Variants in EYS observed in about 807,000 individuals in gnomAD.
EYS encodes the protein protein eyes shut homolog.
Under a neutral mutation model 282.1 loss-of-function variants are expected in EYS, and 250 were observed. That is an observed-to-expected ratio of 0.89 (90% CI 0.80 to 0.98). The LOEUF (loss-of-function observed/expected upper bound fraction) is 0.98, where lower values mean the gene tolerates loss of function less well. EYS is among the 50% of genes least tolerant of loss of function. The probability of loss-of-function intolerance (pLI) is 0.00; values close to 1 mark genes in which losing one functional copy is unlikely to be tolerated. For synonymous variants in EYS, 1,355 were observed against 1,282.9 expected (o/e 1.06, Z -1.20); for missense variants, 4,016 against 3,709.0 (o/e 1.08, Z -2.15).
chr6:64,541,438 A>G lies in EYS; in HGVS notation c.5644+48785T>C, dbSNP rs192784995. 5.3e-5 allele frequency among the ~76,000 whole-genome samples: 8 copies of G among 152,308 alleles called. No individual in the cohort carries two copies. The East Asian group carries it at 9.7e-4, about 18-fold the overall frequency. ...ACCTTTTTCTCCTACTTATTTGCTT[A>G]GAGAAAAGAGTGGTCATCTACCTCT... On this transcript the variant is annotated intron_variant, in intron 26 of 42. Coordinates refer to ENST00000503581, the MANE Select transcript of EYS (RefSeq NM_001142800.2).
rs981525305 is a variant in EYS, at chr6:63,727,102, T to G, written c.8072-422A>C. Among the ~76,000 whole-genome samples the G allele has an allele frequency of 2.0e-5, 3 of 152,320 alleles. No homozygotes were observed. In the East Asian group the frequency reaches 5.8e-4, roughly 29 times the overall value. On this transcript the variant is annotated intron_variant, in intron 41 of 42. Transcript: ENST00000503581. ...ATTCTTCAGCCTCTATATTTCTGAT[T>G]CAAATACAGAGTATAATTGAGTCAG...
intron 32 of EYS, among the ~76,000 whole-genome samples, chr6:64,072,450 G>A (rs1283213341): frequency 6.6e-6 from 1 of 151,278 alleles, no homozygotes; most frequent in Non-Finnish European, 1.5e-5. Flanking sequence ...CAGCTGATCA[G>A]GCTGCTTTTA....
At chr6:64,930,567 T>G (rs1336065737) in intron 15 of EYS, among the ~76,000 whole-genome samples, 7 of 152,026 alleles carry the variant, frequency 4.6e-5, no homozygotes, top group Non-Finnish European at 1.0e-4. Context: ...TCACAAGTTT[T>G]TAACTTATTA....
chr6:65,578,623 T>G (rs1764761966), intron 2 of EYS, among the ~76,000 whole-genome samples: 2 of 151,858 alleles, frequency 1.3e-5, no homozygotes, highest in Admixed American at 1.3e-4. Flanking sequence ...AAATGATAAG[T>G]GTGTGAGGTA....
At chr6:64,903,975 C>G (rs1296877864) in intron 16 of EYS, among the ~76,000 whole-genome samples, 1 of 152,028 alleles carries the variant, frequency 6.6e-6, no homozygotes, top group East Asian at 1.9e-4. Flanking sequence ...AAATAGAAAA[C>G]AAATAGCTAG....
At chr6:64,762,184 G>A (rs1773180837) in intron 22 of EYS, among the ~76,000 whole-genome samples, 1 of 152,028 alleles carries the variant, frequency 6.6e-6, no homozygotes, top group South Asian at 2.1e-4. Context: ...AAAATTAGTA[G>A]CCAATTAAAA....
chr6:64,902,527 A>G, intron 16 of EYS, 27 bp from the exon 17 acceptor site: 1 of 1,337,058 alleles, frequency 7.5e-7, no homozygotes, highest in Non-Finnish European at 1.0e-6. Flanking sequence ...ATGAGTATGG[A>G]TGAGCAATCC....
chr6:64,396,544 A>G (rs1303261804), intron 28 of EYS, among the ~76,000 whole-genome samples: 1 of 152,062 alleles, frequency 6.6e-6, no homozygotes, highest in Non-Finnish European at 1.5e-5. Flanking sequence ...TTTTGAAACT[A>G]TATTTTAGTA....
chr6:65,468,709 C>G (rs1765098820), intron 5 of EYS, among the ~76,000 whole-genome samples: 1 of 151,862 alleles, frequency 6.6e-6, no homozygotes, highest in Non-Finnish European at 1.5e-5. Context: ...CCTATGATTG[C>G]AAAGCAGTGT....
chr6:64,058,897 C>G (rs1036543503), intron 33 of EYS, among the ~76,000 whole-genome samples: 3 of 149,576 alleles, frequency 2.0e-5, no homozygotes, highest in Non-Finnish European at 4.4e-5. Flanking sequence ...AAATTTACCA[C>G]TAATTATAAA....
At chr6:65,451,240 A>G (rs34653375) in intron 5 of EYS, among the ~76,000 whole-genome samples, 15,044 of 152,104 alleles carry the variant, frequency 0.099, 983 homozygotes, top group South Asian at 0.19. Context: ...AAAGTAGAGA[A>G]AGATAATAAA....
At chr6:64,240,378 T>C (rs1184466153) in intron 30 of EYS, among the ~76,000 whole-genome samples, 1 of 152,218 alleles carries the variant, frequency 6.6e-6, no homozygotes, top group Non-Finnish European at 1.5e-5. Context: ...CTACTTCCTA[T>C]CCATGAACAT....
chr6:65,274,018 G>A (rs1366284998), intron 12 of EYS, among the ~76,000 whole-genome samples: 1 of 152,134 alleles, frequency 6.6e-6, no homozygotes, highest in Non-Finnish European at 1.5e-5. Context: ...TGGGGCTTAT[G>A]GAGGTCAGGT....
intron 26 of EYS, among the ~76,000 whole-genome samples, chr6:64,547,406 A>G (rs1764913358): frequency 6.6e-6 from 1 of 152,106 alleles, no homozygotes; most frequent in Admixed American, 6.6e-5. Flanking sequence ...GCTAGACACA[A>G]AAGTTATCCA....
chr6:64,612,189 G>C (rs567391417), intron 24 of EYS, among the ~76,000 whole-genome samples: 2 of 151,974 alleles, frequency 1.3e-5, no homozygotes, highest in Non-Finnish European at 2.9e-5. Context: ...TCAGAAAATA[G>C]TTTCTCCATT....
chr6:65,415,190 G>A (rs1767181338), intron 5 of EYS, among the ~76,000 whole-genome samples: 1 of 151,914 alleles, frequency 6.6e-6, no homozygotes. Flanking sequence ...AGGTTCAAGA[G>A]GAAATGAGAA....
chr6:63,778,395 GGTGT>G (rs144942923), intron 39 of EYS, among the ~76,000 whole-genome samples: 4 of 150,398 alleles, frequency 2.7e-5, no homozygotes, highest in African/African-American at 9.8e-5. Flanking sequence ...TTAACATTTT[GGTGT>G]GTGTGTGTGT....
intron 5 of EYS, among the ~76,000 whole-genome samples, chr6:65,424,566 T>A (rs191226225): frequency 6.6e-6 from 1 of 152,160 alleles, no homozygotes; most frequent in Admixed American, 6.6e-5. Flanking sequence ...AGGCATCTGT[T>A]TTATATTACA....
At chr6:64,701,788 A>G (rs1250296827) in intron 22 of EYS, among the ~76,000 whole-genome samples, 4 of 152,076 alleles carry the variant, frequency 2.6e-5, no homozygotes, top group Non-Finnish European at 5.9e-5. Flanking sequence ...ACTTCACTAT[A>G]CAATATATCC....
Sources: gnomAD v4.1 joint callset for allele counts (sites outside exome capture counted in the v4.1 genomes callset) on GRCh38, gnomAD v4.1.1 for gene constraint, MANE v1.5 for transcripts, NCBI Gene and HGNC (gene_info 2026-07-23, HGNC 2026-07-21) for gene names.